Variants in ME1 observed in about 807,000 individuals in gnomAD.
The protein encoded by ME1 is NADP-dependent malic enzyme.
Under a neutral mutation model 66.4 loss-of-function variants are expected in ME1, and 74 were observed. The ratio of observed to expected loss-of-function variants is 1.11; its 90% CI spans 0.92 to 1.35. The LOEUF (loss-of-function observed/expected upper bound fraction) is 1.35, where lower values mean the gene tolerates loss of function less well. Among genes scored for constraint, ME1 ranks in the 40% most tolerant of loss-of-function variants. The pLI is 0.00. For missense variants in ME1, 750 were observed against 694.1 expected (o/e 1.08, Z -0.90); for synonymous variants, 251 against 235.6 (o/e 1.07, Z -0.60).
chr6:83,407,010 T>G, intron 2 of ME1, among the ~76,000 whole-genome samples: 1 of 141,464 alleles, frequency 7.1e-6, no homozygotes, highest in East Asian at 2.1e-4. Context: ...ACACATCCTA[T>G]CAGCTCTGCT....
chr6:83,228,170 A>C (rs2128523981), intron 10 of ME1, among the ~76,000 whole-genome samples: 1 of 152,350 alleles, frequency 6.6e-6, no homozygotes, highest in South Asian at 2.1e-4. Context: ...AAAGTTTCAT[A>C]AATTCCTTTG....
intron 4 of ME1, among the ~76,000 whole-genome samples, chr6:83,348,260 T>G (rs972364074): frequency 2.0e-5 from 3 of 152,232 alleles, no homozygotes; most frequent in African/African-American, 7.2e-5. Context: ...CTTTGTTTTT[T>G]AAATTAAATT....
At chr6:83,270,126 A>G (rs1440148603) in intron 6 of ME1, among the ~76,000 whole-genome samples, 1 of 152,134 alleles carries the variant, frequency 6.6e-6, no homozygotes, top group African/African-American at 2.4e-5. Flanking sequence ...GGGTGGGGTG[A>G]CCTGTACTCG....
intron 3 of ME1, among the ~76,000 whole-genome samples, chr6:83,357,178 A>C (rs372049827): frequency 2.7e-4 from 41 of 152,300 alleles, no homozygotes; most frequent in Middle Eastern, 3.4e-3. Context: ...ATTGTTTACT[A>C]TCAGGTGGCA....
intron 6 of ME1, among the ~76,000 whole-genome samples, chr6:83,283,769 G>C (rs1767350085): frequency 6.6e-6 from 1 of 152,034 alleles, no homozygotes; most frequent in African/African-American, 2.4e-5. Context: ...CCCTAATCTT[G>C]CCACATCAAA....
At position 83,237,819 on chromosome 6, in the gene ME1, C is replaced by A. The variant is rs1009676819; in HGVS notation, c.924G>T (p.Gly308=). The A allele has an allele frequency of 1.3e-6, 2 of 1,590,898 alleles. No individual in the cohort carries two copies. Among genetic ancestry groups the A allele is most frequent in the African/African-American group, 1.4e-5 (1 of 73,960 alleles). ...AGGCCATCACAATCAGGTGTGCAAT[C>A]CCTAGGGCAGCCTCAGTGATGAAAA... ...LFQGAGEAAL[G]IAHLIVMALE... The change falls in exon 9 of 14, where the codon GGG becomes GGT. Residue 308 remains glycine (G), a synonymous_variant. Coordinates refer to ENST00000369705, the MANE Select transcript of ME1 (RefSeq NM_002395.6).
intron 3 of ME1, among the ~76,000 whole-genome samples, chr6:83,381,709 T>A (rs574722917): frequency 3.0e-4 from 46 of 152,232 alleles, no homozygotes; most frequent in African/African-American, 1.0e-3. Flanking sequence ...CTTAAGAGGA[T>A]CAAGTGCATT....
intron 9 of ME1, among the ~76,000 whole-genome samples, chr6:83,230,435 T>A (rs574631306): frequency 9.2e-5 from 14 of 152,232 alleles, no homozygotes; most frequent in African/African-American, 3.4e-4. Context: ...TGTCTCCTCA[T>A]CTGTAAATAA....
At chr6:83,326,545 A>AC (rs397772916) in intron 5 of ME1, among the ~76,000 whole-genome samples, 2 of 151,320 alleles carry the variant, frequency 1.3e-5, no homozygotes, top group Admixed American at 6.6e-5. Flanking sequence ...ACAAGAAAAA[A>AC]CCAAAACACT....
At chr6:83,243,281 A>G (rs1221650243) in intron 7 of ME1, among the ~76,000 whole-genome samples, 1 of 144,188 alleles carries the variant, frequency 6.9e-6, no homozygotes, top group Non-Finnish European at 1.5e-5. Flanking sequence ...AAAATTAAAT[A>G]TATATATTTA....
intron 3 of ME1, among the ~76,000 whole-genome samples, chr6:83,358,848 GT>G (rs1472400925): frequency 6.6e-6 from 1 of 151,410 alleles, no homozygotes; most frequent in Non-Finnish European, 1.5e-5. Context: ...CCCTGAGGCA[GT>G]TGCCAGGCAA....
At chr6:83,262,965 T>G (rs1766925125) in intron 6 of ME1, among the ~76,000 whole-genome samples, 1 of 152,228 alleles carries the variant, frequency 6.6e-6, no homozygotes. Context: ...ATACTGCCAT[T>G]TTTTTACAAA....
chr6:83,220,902 T>C (rs1230239865), intron 12 of ME1, among the ~76,000 whole-genome samples: 1 of 152,226 alleles, frequency 6.6e-6, no homozygotes, highest in African/African-American at 2.4e-5. Context: ...GGCTCATGCC[T>C]ATAATCCCAG....
intron 3 of ME1, among the ~76,000 whole-genome samples, chr6:83,353,366 T>C (rs1178514220): frequency 1.3e-5 from 2 of 152,206 alleles, no homozygotes; most frequent in Non-Finnish European, 2.9e-5. Context: ...ATATTCCAAT[T>C]GTATCATTCA....
chr6:83,305,568 C>T (rs987889131), intron 6 of ME1, among the ~76,000 whole-genome samples: 1 of 135,876 alleles, frequency 7.4e-6, no homozygotes, highest in African/African-American at 3.2e-5. Context: ...AAGGAACATG[C>T]CTTGAGAGTT....
At chr6:83,320,860 G>A (rs1005207290) in intron 5 of ME1, among the ~76,000 whole-genome samples, 16 of 152,132 alleles carry the variant, frequency 1.1e-4, no homozygotes, top group Admixed American at 5.9e-4. Flanking sequence ...TCGATTCCCA[G>A]GTAAGATGAC....
intron 3 of ME1, among the ~76,000 whole-genome samples, chr6:83,362,909 G>T (rs1230467965): frequency 6.6e-6 from 1 of 152,164 alleles, no homozygotes; most frequent in South Asian, 2.1e-4. Context: ...GGAATTCACT[G>T]GTCTTACCAT....
intron 1 of ME1, among the ~76,000 whole-genome samples, chr6:83,424,975 C>T (rs1770340711): frequency 6.6e-6 from 1 of 152,018 alleles, no homozygotes; most frequent in South Asian, 2.1e-4. Context: ...CTCCTTCAGC[C>T]TCTGGATCTC....
At chr6:83,249,048 T>A (rs541461319) in intron 7 of ME1, among the ~76,000 whole-genome samples, 1 of 152,066 alleles carries the variant, frequency 6.6e-6, no homozygotes, top group East Asian at 1.9e-4. Flanking sequence ...ATCTTTGTCA[T>A]GAAAATTGGC....
Sources: allele counts gnomAD v4.1 joint callset (sites outside exome capture counted in the v4.1 genomes callset), GRCh38; gene constraint gnomAD v4.1.1; transcripts MANE v1.5; gene names NCBI Gene and HGNC (gene_info 2026-07-23, HGNC 2026-07-21).